The following TOX variants were observed in gnomAD, a reference collection of about 807,000 sequenced individuals.
The protein encoded by TOX is thymocyte selection-associated high mobility group box protein TOX.
TOX carries 11 observed loss-of-function variants against 53.7 expected under a neutral mutation model. That is an observed-to-expected ratio of 0.20 (90% CI 0.13 to 0.34). TOX has a LOEUF of 0.34. Among genes scored for constraint, TOX ranks in the 10% least tolerant of loss-of-function variants. The pLI is 1.00. For missense variants in TOX, 570 were observed against 664.6 expected, an observed-to-expected ratio of 0.86 and a Z score of 1.56; for synonymous variants, 225 against 245.3, an observed-to-expected ratio of 0.92 and a Z score of 0.77.
chr8:58,965,121 A>G (rs1051548661), intron 1 of TOX, among the ~76,000 whole-genome samples: 2 of 152,232 alleles, frequency 1.3e-5, no homozygotes, highest in African/African-American at 2.4e-5. Context: ...ATCTAAGCAT[A>G]CTAGGGCTTT....
chr8:59,058,425 G>A (rs1004222267), intron 1 of TOX, among the ~76,000 whole-genome samples: 4 of 152,210 alleles, frequency 2.6e-5, no homozygotes, highest in African/African-American at 7.2e-5. Flanking sequence ...GGGGCCATGA[G>A]GGGAGCAGCT....
chr8:59,027,248 A>T (rs1175374208), intron 1 of TOX, among the ~76,000 whole-genome samples: 2 of 152,190 alleles, frequency 1.3e-5, no homozygotes, highest in Non-Finnish European at 2.9e-5. Flanking sequence ...TCCAAATTTT[A>T]TAAAAGCATA....
At chr8:59,089,093 C>G (rs943217448) in intron 1 of TOX, among the ~76,000 whole-genome samples, 3 of 152,122 alleles carry the variant, frequency 2.0e-5, no homozygotes, top group Non-Finnish European at 4.4e-5. Flanking sequence ...GAACCTTAAC[C>G]CTCTGAAATC....
At chr8:59,087,334 A>G (rs1207798314) in intron 1 of TOX, among the ~76,000 whole-genome samples, 1 of 152,362 alleles carries the variant, frequency 6.6e-6, no homozygotes, top group South Asian at 2.1e-4. Flanking sequence ...AAAAAAAATC[A>G]GACAAACTTC....
At chr8:58,826,707 C>T (rs1248450113) in intron 6 of TOX, 115 bp downstream of exon 6, 2 of 886,662 alleles carry the variant, frequency 2.3e-6, no homozygotes, top group Non-Finnish European at 3.2e-6. Flanking sequence ...CTTTTTTTTC[C>T]AACAAAGAAG....
intron 2 of TOX, among the ~76,000 whole-genome samples, chr8:58,958,521 G>C (rs1413313579): frequency 6.6e-6 from 1 of 152,136 alleles, no homozygotes; most frequent in African/African-American, 2.4e-5. Flanking sequence ...TACTAAACTT[G>C]TCAGTACAGT....
chr8:58,885,623 C>T (rs1221087279), intron 3 of TOX, among the ~76,000 whole-genome samples: 1 of 152,114 alleles, frequency 6.6e-6, no homozygotes, highest in Non-Finnish European at 1.5e-5. Context: ...TTGAGATTCA[C>T]TTATCGCCTG....
intron 1 of TOX, among the ~76,000 whole-genome samples, chr8:58,970,717 ACAT>A (rs1330046965): frequency 6.6e-6 from 1 of 152,204 alleles, no homozygotes; most frequent in Non-Finnish European, 1.5e-5. Flanking sequence ...GTCCTAACTT[ACAT>A]TTCTATCTCT....
intron 3 of TOX, among the ~76,000 whole-genome samples, chr8:58,891,124 G>A (rs1403667243): frequency 2.0e-5 from 3 of 152,118 alleles, no homozygotes; most frequent in Non-Finnish European, 4.4e-5. Flanking sequence ...GGGTGATAAA[G>A]AGAGGAAAGA....
At chr8:58,923,674 C>T (rs1393866873) in intron 3 of TOX, among the ~76,000 whole-genome samples, 2 of 152,174 alleles carry the variant, frequency 1.3e-5, no homozygotes, top group Non-Finnish European at 2.9e-5. Flanking sequence ...TTTCTGAATA[C>T]ATACCTCATT....
chr8:58,807,595 CCA>C lies in TOX; in HGVS notation c.*150_*151del. The C allele has an allele frequency of 1.4e-6, 1 of 699,450 alleles. No individual in the cohort carries two copies. The highest frequency in any genetic ancestry group is 2.4e-6 in the Non-Finnish European group (1 of 419,372). The allele number at this position is 699,450 out of a possible 1,614,324, so 43.3% of individuals were successfully genotyped here. A position where few individuals can be genotyped will look rare whatever the true frequency, so the allele number is the denominator to read the frequency against. On this transcript the variant is annotated 3_prime_UTR_variant, in exon 9 of 9. Transcript: ENST00000361421. ...TAATAAAGAAGCATGACTATTTCTT[CCA>C]GAGTGGGTGACCCACAAGCTCAAAT...
intron 1 of TOX, among the ~76,000 whole-genome samples, chr8:59,088,393 A>C (rs1224726303): frequency 6.6e-6 from 1 of 152,204 alleles, no homozygotes; most frequent in East Asian, 1.9e-4. Flanking sequence ...ATATAATCAG[A>C]CGTAAGTTTT....
chr8:58,979,974 A>C (rs1813171662), intron 1 of TOX, among the ~76,000 whole-genome samples: 1 of 152,232 alleles, frequency 6.6e-6, no homozygotes, highest in Non-Finnish European at 1.5e-5. Flanking sequence ...TTATCATTTA[A>C]AAGATCCAGG....
chr8:58,942,540 G>C (rs1488741848), intron 2 of TOX, among the ~76,000 whole-genome samples: 1 of 152,228 alleles, frequency 6.6e-6, no homozygotes, highest in East Asian at 1.9e-4. Flanking sequence ...CCATATAAAA[G>C]TATAGTGGTA....
chr8:58,959,959 T>C lies in TOX; in HGVS notation c.152A>G (p.Tyr51Cys), dbSNP rs564719882. Residue 51 changes from tyrosine (Y) to cysteine (C), a missense_variant, in exon 2 of 9, where the codon TAT becomes TGT. Transcript: ENST00000361421. ...YMSMTEPSQDYVPASQSYPGP... is the reference protein window; with the variant it reads ...YMSMTEPSQDCVPASQSYPGP... Reference sequence around the variant, plus strand: ...TTAACCCACCTGGCTGGCTGGCACATAGTCCTGGCTCGGCTCTGTCATGCT... The same window carrying C: ...TTAACCCACCTGGCTGGCTGGCACACAGTCCTGGCTCGGCTCTGTCATGCT... The C allele has an allele frequency of 3.8e-5, 62 of 1,614,102 alleles. No homozygotes were observed. The highest frequency in any genetic ancestry group is 4.2e-5 in the Non-Finnish European group (50 of 1,180,050).
chr8:58,860,677 G>C (rs1810996423), intron 3 of TOX, among the ~76,000 whole-genome samples: 2 of 152,134 alleles, frequency 1.3e-5, no homozygotes. Context: ...TATCTATGGG[G>C]ACCTTCCCTG....
intron 1 of TOX, among the ~76,000 whole-genome samples, chr8:58,979,495 A>G (rs190998302): frequency 6.6e-6 from 1 of 152,354 alleles, no homozygotes; most frequent in African/African-American, 2.4e-5. Context: ...TAACCAGATA[A>G]CTGCCAAGAC....
intron 3 of TOX, among the ~76,000 whole-genome samples, chr8:58,934,962 A>C (rs1812318986): frequency 6.6e-6 from 1 of 152,124 alleles, no homozygotes. Context: ...TTGAACTTTC[A>C]TTTTCCATTT....
intron 4 of TOX, among the ~76,000 whole-genome samples, chr8:58,847,164 A>C (rs1176941704): frequency 6.6e-6 from 1 of 152,188 alleles, no homozygotes; most frequent in African/African-American, 2.4e-5. Context: ...AAGTTTTCAT[A>C]AATATTAATT....
Sources: allele counts gnomAD v4.1 joint callset (sites outside exome capture counted in the v4.1 genomes callset), GRCh38; gene constraint gnomAD v4.1.1; transcripts MANE v1.5; gene names NCBI Gene and HGNC (gene_info 2026-07-23, HGNC 2026-07-21).